The following KSR2 variants were observed in gnomAD, a reference collection of about 807,000 sequenced individuals.
KSR2 encodes kinase suppressor of ras 2.
KSR2 carries 25 observed loss-of-function variants against 107.8 expected under a neutral mutation model. The observed-to-expected ratio is 0.23, with a 90% CI of 0.17 to 0.32. KSR2 has a LOEUF of 0.32. Ranked by LOEUF, KSR2 falls within the 10% of genes least tolerant of loss-of-function variation. The pLI, the probability that KSR2 is intolerant of heterozygous loss-of-function variation, is 1.00. For synonymous variants in KSR2, 480 were observed against 507.0 expected, an observed-to-expected ratio of 0.95 and a Z score of 0.71; for missense variants, 887 against 1,268.9, an observed-to-expected ratio of 0.70 and a Z score of 4.57.
chr12:117,837,869 A>T (rs1359778451), intron 3 of KSR2, among the ~76,000 whole-genome samples: 1 of 152,234 alleles, frequency 6.6e-6, no homozygotes, highest in African/African-American at 2.4e-5. Context: ...ACTCAAAGCA[A>T]CAGGTTCTCT....
chr12:117,628,919 C>G (rs996642973), intron 5 of KSR2, among the ~76,000 whole-genome samples: 2 of 152,258 alleles, frequency 1.3e-5, no homozygotes, highest in Non-Finnish European at 2.9e-5. Flanking sequence ...GTGGCTGCCC[C>G]TCCCCTAGCC....
chr12:117,719,902 G>A (rs1887138858), intron 4 of KSR2, among the ~76,000 whole-genome samples: 1 of 152,128 alleles, frequency 6.6e-6, no homozygotes, highest in Admixed American at 6.5e-5. Flanking sequence ...TGTGTTGGGG[G>A]CGAAGGGCAA....
intron 5 of KSR2, among the ~76,000 whole-genome samples, chr12:117,645,888 T>C (rs1205580916): frequency 0.013 from 1,931 of 150,784 alleles, 41 homozygotes; most frequent in African/African-American, 0.045. Flanking sequence ...TGTGTGTGTG[T>C]GTGTGTGTGT....
rs191370829 is a variant in KSR2, at chr12:117,741,826, A to C, written c.986+19185T>G. Among the ~76,000 whole-genome samples the C allele has an allele frequency of 1.3e-3, 203 of 152,376 alleles. 1 individual carries two copies. Among genetic ancestry groups the C allele is most frequent in the African/African-American group, 4.5e-3 (187 of 41,594 alleles). ...AAAATCACCATTTGGAAACCATCAT[A>C]ATTATAATTGATTCAGGAAAGAATC... is the stretch of plus-strand genomic sequence containing the variant. On this transcript the variant is annotated intron_variant, in intron 4 of 19. Coordinates refer to ENST00000339824, the MANE Select transcript of KSR2 (RefSeq NM_173598.6).
At chr12:117,675,703 G>A (rs915007965) in intron 4 of KSR2, among the ~76,000 whole-genome samples, 6 of 152,164 alleles carry the variant, frequency 3.9e-5, no homozygotes, top group South Asian at 2.1e-4. Flanking sequence ...CAGCCTCCTC[G>A]AGCGTGTGGG....
chr12:117,593,343 A>G (rs1306062030), intron 5 of KSR2, among the ~76,000 whole-genome samples: 1 of 152,240 alleles, frequency 6.6e-6, no homozygotes, highest in Non-Finnish European at 1.5e-5. Flanking sequence ...AAATGGCCTC[A>G]CGTTGAAATA....
rs56143626 is a variant in KSR2, at chr12:117,539,801, G to C, written c.1605C>G (p.Pro535=). 4.3e-3 allele frequency: 6,909 copies of C among 1,608,388 alleles called. 201 individuals are homozygous for C. The African/African-American group carries it at 0.075, about 17-fold the overall frequency. ...TSSTPSSPAP[P]LPPSATPPSP... ...AAGGCGGCGTGGCACTAGGAGGGAG[G>C]GGGGGTGCTGGCGAGGAGGGCGTGG... is the stretch of plus-strand genomic sequence containing the variant. Residue 535 remains proline (P), a synonymous_variant, in exon 10 of 20, where the codon CCC becomes CCG. Coordinates refer to ENST00000339824, the MANE Select transcript of KSR2 (RefSeq NM_173598.6).
chr12:117,606,982 C>T (rs1292197263), intron 5 of KSR2, among the ~76,000 whole-genome samples: 3 of 152,176 alleles, frequency 2.0e-5, no homozygotes, highest in South Asian at 2.1e-4. Context: ...TGCTTGCCAT[C>T]GCAGACTTCT....
At chr12:117,571,972 C>A (rs1878921715) in intron 7 of KSR2, among the ~76,000 whole-genome samples, 1 of 152,070 alleles carries the variant, frequency 6.6e-6, no homozygotes, top group Admixed American at 6.5e-5. Context: ...AGCAACGCCT[C>A]CCACCCCCAT....
chr12:117,944,216 A>C (rs1293319560), intron 1 of KSR2, among the ~76,000 whole-genome samples: 1 of 152,086 alleles, frequency 6.6e-6, no homozygotes, highest in African/African-American at 2.4e-5. Context: ...GTCTCTACTA[A>C]AAATACAAAA....
chr12:117,639,914 G>A (rs1446534389), intron 5 of KSR2, among the ~76,000 whole-genome samples: 1 of 152,038 alleles, frequency 6.6e-6, no homozygotes, highest in African/African-American at 2.4e-5. Context: ...CAGTAGAATA[G>A]CACTCTTCAA....
intron 1 of KSR2, among the ~76,000 whole-genome samples, chr12:117,919,611 T>A (rs1444288827): frequency 1.3e-5 from 2 of 152,236 alleles, no homozygotes; most frequent in African/African-American, 2.4e-5. Flanking sequence ...AACTCCTGTT[T>A]TGTTTCTCAC....
chr12:117,954,595 C>T (rs1252307185), intron 1 of KSR2, among the ~76,000 whole-genome samples: 1 of 152,218 alleles, frequency 6.6e-6, no homozygotes, highest in African/African-American at 2.4e-5. Context: ...ATGAATGATA[C>T]ATGCAAGGAC....
At chr12:117,925,069 G>A (rs1425381878) in intron 1 of KSR2, among the ~76,000 whole-genome samples, 13 of 151,538 alleles carry the variant, frequency 8.6e-5, no homozygotes, top group Non-Finnish European at 1.9e-4. Context: ...GCAAGACGTT[G>A]ATTATTGTTG....
intron 3 of KSR2, among the ~76,000 whole-genome samples, chr12:117,820,513 A>G (rs1428607518): frequency 6.6e-6 from 1 of 152,174 alleles, no homozygotes; most frequent in East Asian, 1.9e-4. Context: ...CGGATAAATC[A>G]CTAAATCAGA....
At chr12:117,626,500 T>C (rs2393240) in intron 5 of KSR2, among the ~76,000 whole-genome samples, 121,854 of 152,090 alleles carry the variant, frequency 0.8, 49,368 homozygotes, top group South Asian at 0.94. Flanking sequence ...TCAGTTTCCA[T>C]GTAGTTGTGC....
At chr12:117,725,086 A>T (rs11068653) in intron 4 of KSR2, among the ~76,000 whole-genome samples, 2,300 of 88,648 alleles carry the variant, frequency 0.026, 19 homozygotes, top group South Asian at 0.057. Context: ...TCTCTCTCTC[A>T]CACACACACA....
At chr12:117,718,684 T>C (rs1482357397) in intron 4 of KSR2, among the ~76,000 whole-genome samples, 2 of 152,206 alleles carry the variant, frequency 1.3e-5, no homozygotes, top group Non-Finnish European at 2.9e-5. Context: ...CCATGAAGAT[T>C]AATGAGGTGA....
At chr12:117,843,271 C>T (rs1276921575) in intron 3 of KSR2, among the ~76,000 whole-genome samples, 3 of 152,162 alleles carry the variant, frequency 2.0e-5, no homozygotes, top group African/African-American at 7.2e-5. Flanking sequence ...TAGCCTAGAA[C>T]GAGTTAAGTG....
Sources: gnomAD v4.1 joint callset for allele counts (sites outside exome capture counted in the v4.1 genomes callset) on GRCh38, gnomAD v4.1.1 for gene constraint, MANE v1.5 for transcripts, NCBI Gene and HGNC (gene_info 2026-07-23, HGNC 2026-07-21) for gene names.